PRKACA: variants seen among roughly 807,000 people sequenced by gnomAD.
The protein encoded by PRKACA is protein kinase cAMP-activated catalytic subunit alpha.
A neutral mutation model predicts 45.8 loss-of-function variants in PRKACA; 9 were observed. The ratio of observed to expected loss-of-function variants is 0.20; its 90% confidence interval spans 0.12 to 0.34. The LOEUF (loss-of-function observed/expected upper bound fraction) is 0.34, where lower values mean the gene tolerates loss of function less well. PRKACA is among the 10% of genes least tolerant of loss of function. PRKACA has a pLI of 1.00. For synonymous variants in PRKACA, 160 were observed against 178.6 expected, an observed-to-expected ratio of 0.90 and a Z score of 0.83; for missense variants, 238 against 458.6, an observed-to-expected ratio of 0.52 and a Z score of 4.39.
intron 8 of PRKACA, among the ~76,000 whole-genome samples, chr19:14,095,981 C>T (rs554436948): frequency 1.4e-4 from 21 of 151,878 alleles, no homozygotes; most frequent in African/African-American, 4.8e-4. Context: ...GCCTCACCCT[C>T]CCGATGAGCT....
At chr19:14,101,148 A>C (rs1977430760) in intron 4 of PRKACA, 1 of 491,650 alleles carries the variant, frequency 2.0e-6, no homozygotes, top group Non-Finnish European at 3.7e-6. Flanking sequence ...AGAACTCTGT[A>C]GTACCTTGCT....
intron 5 of PRKACA, among the ~76,000 whole-genome samples, chr19:14,100,157 A>T (rs991012816): frequency 1.1e-4 from 16 of 150,424 alleles, no homozygotes; most frequent in Non-Finnish European, 1.5e-4. Context: ...TTTTTTTTTT[A>T]AAAGAGACAA....
At chr19:14,108,584 T>G (rs1370822858) in intron 1 of PRKACA, among the ~76,000 whole-genome samples, 1 of 145,364 alleles carries the variant, frequency 6.9e-6, no homozygotes, top group Non-Finnish European at 1.5e-5. Context: ...ATTTTTTGTA[T>G]TTTTTTTAGT....
chr19:14,092,354 GGGCCTAGACCCTCGCAGGATT>G lies in PRKACA; in HGVS notation c.*737_*757del, dbSNP rs766918031. On this transcript the variant is annotated 3_prime_UTR_variant, in exon 10 of 10. Coordinates refer to ENST00000308677, the MANE Select transcript of PRKACA (RefSeq NM_002730.4). ...AAAAGAGAGCGGAGGCTTCCTAAAG[GGGCCTAGACCCTCGCAGGATT>G]GGCAGAGAGGATTCCCCGGGGAGGG... The G allele has an allele frequency of 2.7e-5, 9 of 336,864 alleles. No individual in the cohort carries two copies. The highest frequency in any genetic ancestry group is 4.3e-5 in the Non-Finnish European group (8 of 186,472). The allele number at this position is 336,864 out of a possible 1,614,324, so 20.9% of individuals were successfully genotyped here.
At chr19:14,100,678 C>T in intron 5 of PRKACA, 148 bp downstream of exon 5, 2 of 730,880 alleles carry the variant, frequency 2.7e-6, no homozygotes, top group African/African-American at 3.5e-5. Flanking sequence ...TATTCCTCAG[C>T]AGAGGGGAAA....
At chr19:14,106,245 A>G (rs896589690) in intron 3 of PRKACA, among the ~76,000 whole-genome samples, 21 of 152,202 alleles carry the variant, frequency 1.4e-4, no homozygotes, top group African/African-American at 4.8e-4. Context: ...GTGCGCTTGT[A>G]GTCCCAGCTA....
At chr19:14,109,987 T>C (rs1396122160) in intron 1 of PRKACA, among the ~76,000 whole-genome samples, 74 of 82,658 alleles carry the variant, frequency 9.0e-4, no homozygotes, top group African/African-American at 3.7e-3. Context: ...TATATATATA[T>C]ATATATATAT....
chr19:14,096,885 C>T (rs1038008997), intron 8 of PRKACA: 1 of 266,570 alleles, frequency 3.8e-6, no homozygotes, highest in South Asian at 4.0e-5. Context: ...GATGGCTTCA[C>T]CACCCCTCAT....
rs41296308 is a variant in PRKACA, at chr19:14,093,344, G to A, written c.931-107C>T. ...TCAAGAGATATTTACTCTGACTCAG[G>A]CCTGTGCTTACCATTAGGTTATGGA... On this transcript the variant is annotated intron_variant, in intron 9 of 9. Coordinates refer to ENST00000308677, the MANE Select transcript of PRKACA (RefSeq NM_002730.4). The A allele has an allele frequency of 4.5e-3, 6,397 of 1,424,986 alleles. 83 individuals are homozygous for A. Among genetic ancestry groups the A allele is most frequent in the African/African-American group, 0.032 (2,239 of 69,594 alleles). 88.3% of individuals were successfully genotyped at this position (1,424,986 alleles called of 1,614,324 possible).
rs182370742 is a variant in PRKACA, at chr19:14,107,482, A to T, written c.47-73T>A. 141 of 1,528,470 alleles carry T rather than the reference A, an allele frequency of 9.2e-5. No individual in the cohort carries two copies. The African/African-American group carries it at 1.8e-3, about 20-fold the overall frequency. 94.7% of individuals were successfully genotyped at this position (1,528,470 alleles called of 1,614,324 possible). A position where few individuals can be genotyped will look rare whatever the true frequency, so the allele number is the denominator to read the frequency against. ...GGGTGGGTTCAGGTGATTTCTGGGG[A>T]GATACTTGGTGGAAAGTGGGGTGCA... On this transcript the variant is annotated intron_variant, in intron 1 of 9. Coordinates refer to ENST00000308677, the MANE Select transcript of PRKACA (RefSeq NM_002730.4).
At chr19:14,105,980 G>A (rs41296274) in intron 3 of PRKACA, among the ~76,000 whole-genome samples, 7,973 of 152,116 alleles carry the variant, frequency 0.052, 686 homozygotes, top group African/African-American at 0.18. Context: ...ATCCATGGCC[G>A]GCCTGGAGAG....
chr19:14,111,279 C>A (rs1345912856), intron 1 of PRKACA, among the ~76,000 whole-genome samples: 1 of 152,104 alleles, frequency 6.6e-6, no homozygotes, highest in African/African-American at 2.4e-5. Context: ...TGCCTGTAAT[C>A]CCAGCTACTC....
At chr19:14,107,678 G>C in intron 1 of PRKACA, 1 of 1,296,068 alleles carries the variant, frequency 7.7e-7, no homozygotes, top group South Asian at 1.8e-5. Context: ...TGCCCAGGCA[G>C]ACCAGCCCAC....
chr19:14,105,285 G>A (rs1239433442), intron 3 of PRKACA, among the ~76,000 whole-genome samples: 1 of 152,132 alleles, frequency 6.6e-6, no homozygotes, highest in Admixed American at 6.6e-5. Context: ...GCTGAGGCGG[G>A]CGGATTACCT....
chr19:14,095,964 T>G (rs1977237211), intron 8 of PRKACA, among the ~76,000 whole-genome samples: 1 of 148,870 alleles, frequency 6.7e-6, no homozygotes, highest in African/African-American at 2.5e-5. Context: ...GCTCAAGCGA[T>G]CCTCCTGCCT....
In PRKACA at chr19:14,103,052, G is replaced by T. The variant is rs1371348120; in HGVS notation, c.238-138C>A. ...TCATTTGTGTGCCTGTGGCCTGTCG[G>T]GCCCTTAGCTGATGCTGAGGACACA... On this transcript the variant is annotated intron_variant, in intron 3 of 9. Transcript: ENST00000308677. The T allele has an allele frequency of 1.8e-5, 13 of 706,462 alleles. 1 individual carries two copies. The East Asian group carries it at 3.2e-4, about 17-fold the overall frequency. 43.8% of individuals were successfully genotyped at this position (706,462 alleles called of 1,614,324 possible).
rs1977097270 is a variant in PRKACA, at chr19:14,092,202, GGA to G, written c.*908_*909del. On this transcript the variant is annotated 3_prime_UTR_variant, in exon 10 of 10. Transcript: ENST00000308677. ...AAGGAGTTGGGGGGAAACGCTGCTGGGAGGAAAGACTTGGGCTTGGGGCTCCC... is the reference window on the plus strand; with the variant it reads ...AAGGAGTTGGGGGGAAACGCTGCTGGGGAAAGACTTGGGCTTGGGGCTCCC... 1 of 160,490 alleles carries G rather than the reference GGA, an allele frequency of 6.2e-6. No homozygotes were observed. The highest frequency in any genetic ancestry group is 6.5e-5 in the Admixed American group (1 of 15,462). The allele number at this position is 160,490 out of a possible 1,614,324, so 9.9% of individuals were successfully genotyped here.
chr19:14,117,340 T>TGCGGGCCC lies in PRKACA; in HGVS notation c.46+154_46+161dup, dbSNP rs1349836719. 1.2e-4 allele frequency among the ~76,000 whole-genome samples: 16 copies of TGCGGGCCC among 129,554 alleles called. No homozygotes were observed. In the East Asian group the frequency reaches 2.3e-3, roughly 19 times the overall value. 85.0% of individuals were successfully genotyped at this position (129,554 alleles called of 152,430 possible). A position where few individuals can be genotyped will look rare whatever the true frequency, so the allele number is the denominator to read the frequency against. ...AAGGGGACCCCTACAGGGGGTACTC[T>TGCGGGCCC]GCGGGCCCGCGGGCCCCAGCCTTGG... On this transcript the variant is annotated intron_variant, in intron 1 of 9. Transcript: ENST00000308677.
In PRKACA at chr19:14,092,513, G is replaced by A. The variant is rs1977108271; in HGVS notation, c.*599C>T. ...GAATGGGGGGACATGGGAGGGGTGG[G>A]AGTAGAGGAAGGAGGGAGGGAGGCA... On this transcript the variant is annotated 3_prime_UTR_variant, in exon 10 of 10. Coordinates refer to ENST00000308677, the MANE Select transcript of PRKACA (RefSeq NM_002730.4). 1 of 397,268 alleles carries A rather than the reference G, an allele frequency of 2.5e-6. No individual in the cohort carries two copies. The highest frequency in any genetic ancestry group is 4.4e-6 in the Non-Finnish European group (1 of 225,428). 24.6% of individuals were successfully genotyped at this position (397,268 alleles called of 1,614,324 possible). A position where few individuals can be genotyped will look rare whatever the true frequency, so the allele number is the denominator to read the frequency against.
Sources: gnomAD v4.1 joint callset for allele counts (sites outside exome capture counted in the v4.1 genomes callset) on GRCh38, gnomAD v4.1.1 for gene constraint, MANE v1.5 for transcripts, NCBI Gene and HGNC (gene_info 2026-07-23, HGNC 2026-07-21) for gene names.